KLK11: variants seen among roughly 807,000 people sequenced by gnomAD.
KLK11 encodes the protein kallikrein related peptidase 11, also known as kallikrein-11.
In KLK11, 10 loss-of-function variants were observed where a neutral mutation model predicts 23.4. The observed-to-expected ratio is 0.43, with a 90% CI of 0.26 to 0.73. The LOEUF is 0.73. Ranked by LOEUF, KLK11 falls within the 30% of genes least tolerant of loss-of-function variation. KLK11 has a pLI of 0.22. For synonymous variants in KLK11, 131 were observed against 131.7 expected, an observed-to-expected ratio of 0.99 and a Z score of 0.03; for missense variants, 285 against 327.8, an observed-to-expected ratio of 0.87 and a Z score of 1.01.
chr19:51,023,229 C>T lies in KLK11; in HGVS notation c.464-1G>A. The T allele has an allele frequency of 6.2e-7, 1 of 1,612,166 alleles. No individual in the cohort carries two copies. Among genetic ancestry groups the T allele is most frequent in the Non-Finnish European group, 8.5e-7 (1 of 1,179,546 alleles). On this transcript the variant is annotated splice_acceptor_variant, in intron 4 of 5. Coordinates refer to ENST00000453757, the MANE Select transcript of KLK11 (RefSeq NM_001136032.3). LOFTEE classifies it high-confidence loss of function. ...CATCGCAAGGTGTGAGGCAGGCGTA[C>T]TGTGGAAACAGCGTGAGGGGCTGTG...
chr19:51,027,225 AG>A (rs560695655), upstream of KLK11: 26 of 530,920 alleles, frequency 4.9e-5, no homozygotes, highest in Admixed American at 1.0e-4. Context: ...TTGCAAGGAG[AG>A]GGGGGGTGTG....
upstream of KLK11, chr19:51,027,527 C>A: frequency 6.2e-7 from 1 of 1,613,998 alleles, no homozygotes; most frequent in Non-Finnish European, 8.5e-7. Context: ...TCTGCGGAAC[C>A]CGAGCGCAGA....
chr19:51,024,469 C>G lies in KLK11; in HGVS notation c.198-159G>C. On this transcript the variant is annotated intron_variant, in intron 3 of 5. Coordinates refer to ENST00000453757, the MANE Select transcript of KLK11 (RefSeq NM_001136032.3). This position sits in a 1 kb window ranked among gnomAD's most constrained non-coding sequence, Gnocchi z 6.2. ...CTTCCCAGCCATAGCCCCATCCCAA[C>G]CCCATTCATCCCCCCACCTTCAATA... 1 of 1,285,058 alleles carries G rather than the reference C, an allele frequency of 7.8e-7. No homozygotes were observed. The highest frequency in any genetic ancestry group is 1.5e-5 in the South Asian group (1 of 67,124). 79.6% of individuals were successfully genotyped at this position (1,285,058 alleles called of 1,614,324 possible).
In KLK11 at chr19:51,025,708, G is replaced by A. The variant is rs767027210; in HGVS notation, c.-35-42C>T. 10 of 844,636 alleles carry A rather than the reference G, an allele frequency of 1.2e-5. No homozygotes were observed. Among genetic ancestry groups the A allele is most frequent in the Non-Finnish European group, 1.7e-5 (9 of 543,506 alleles). 52.3% of individuals were successfully genotyped at this position (844,636 alleles called of 1,614,324 possible). On this transcript the variant is annotated intron_variant, in intron 1 of 5. Coordinates refer to ENST00000453757, the MANE Select transcript of KLK11 (RefSeq NM_001136032.3). This position sits in a 1 kb window ranked among gnomAD's most constrained non-coding sequence, Gnocchi z 6.2. Reference sequence around the variant, plus strand: ...ACATGGGGCCGCATCACTTTACGGGGAAATCGGGAGGGGGGGGCTGGCTCA... The same window carrying A: ...ACATGGGGCCGCATCACTTTACGGGAAAATCGGGAGGGGGGGGCTGGCTCA...
chr19:51,022,489 G>C lies in KLK11; in HGVS notation c.*56C>G. On this transcript the variant is annotated 3_prime_UTR_variant, in exon 6 of 6. Transcript: ENST00000453757. ...GGGTTTCTTATTAACAGAGTGAACA[G>C]GAACCAAACACCAAGTGGAAATGGA... is the stretch of plus-strand genomic sequence containing the variant. The C allele has an allele frequency of 6.2e-7, 1 of 1,607,532 alleles. No individual in the cohort carries two copies. The highest frequency in any genetic ancestry group is 8.5e-7 in the Non-Finnish European group (1 of 1,174,170).
In KLK11 at chr19:51,023,938, T is replaced by C. The variant is rs981529016; in HGVS notation, c.463+107A>G. 4.0e-6 allele frequency: 4 copies of C among 998,404 alleles called. No homozygotes were observed. The African/African-American group carries it at 6.5e-5, about 16-fold the overall frequency. 61.8% of individuals were successfully genotyped at this position (998,404 alleles called of 1,614,324 possible). A position where few individuals can be genotyped will look rare whatever the true frequency, so the allele number is the denominator to read the frequency against. ...GTTTTCCACACATCCTCTCAACTTATCCCACATCGTCACTGTGAACCGCAT... is the reference window on the plus strand; with the variant it reads ...GTTTTCCACACATCCTCTCAACTTACCCCACATCGTCACTGTGAACCGCAT... On this transcript the variant is annotated intron_variant, in intron 4 of 5. Coordinates refer to ENST00000453757, the MANE Select transcript of KLK11 (RefSeq NM_001136032.3).
At position 51,025,719 on chromosome 19, in the gene KLK11, G is replaced by A. The variant is rs145926421; in HGVS notation, c.-35-53C>T. ...CATCACTTTACGGGGAAATCGGGAG[G>A]GGGGGGCTGGCTCATGCCCTCTCCT... On this transcript the variant is annotated intron_variant, in intron 1 of 5. Coordinates refer to ENST00000453757, the MANE Select transcript of KLK11 (RefSeq NM_001136032.3). This position sits in a 1 kb window ranked among gnomAD's most constrained non-coding sequence, Gnocchi z 6.2. 700 of 716,400 alleles carry A rather than the reference G, an allele frequency of 9.8e-4. 3 individuals carry two copies. The African/African-American group carries it at 0.011, about 11-fold the overall frequency. The allele number at this position is 716,400 out of a possible 1,614,324, so 44.4% of individuals were successfully genotyped here.
rs542840587 is a variant in KLK11, at chr19:51,025,387, C to T, written c.40+205G>A. Among the ~76,000 whole-genome samples the T allele has an allele frequency of 5.3e-5, 8 of 152,170 alleles. No individual in the cohort carries two copies. Among genetic ancestry groups the T allele is most frequent in the South Asian group, 4.1e-4 (2 of 4,826 alleles). On this transcript the variant is annotated intron_variant, in intron 2 of 5. Coordinates refer to ENST00000453757, the MANE Select transcript of KLK11 (RefSeq NM_001136032.3). This position sits in a 1 kb window ranked among gnomAD's most constrained non-coding sequence, Gnocchi z 6.2. The stretch of plus-strand genomic sequence containing the variant: ...CTCAGCCCCTCCACGGGACCCTTTA[C>T]GACCCCCTTGACCTCTCCTCCTTTG...
intron 4 of KLK11, 144 bp downstream of exon 4, chr19:51,023,901 C>G (rs937460771): frequency 2.7e-6 from 2 of 729,104 alleles, no homozygotes; most frequent in South Asian, 2.9e-5. Context: ...GTCCCCACCC[C>G]CCTATCCTGA....
upstream of KLK11, chr19:51,027,324 GTCCA>G: frequency 1.1e-6 from 1 of 919,878 alleles, no homozygotes; most frequent in Non-Finnish European, 1.7e-6. Flanking sequence ...TGGAAGCCGA[GTCCA>G]GGAAAGGGAA....
At position 51,025,879 on chromosome 19, in the gene KLK11, T is replaced by C. The variant is rs1188532705; in HGVS notation, c.-35-213A>G. 1 of 416,980 alleles carries C rather than the reference T, an allele frequency of 2.4e-6. No individual in the cohort carries two copies. Among genetic ancestry groups the C allele is most frequent in the African/African-American group, 2.1e-5 (1 of 48,482 alleles). 25.8% of individuals were successfully genotyped at this position (416,980 alleles called of 1,614,324 possible). A position where few individuals can be genotyped will look rare whatever the true frequency, so the allele number is the denominator to read the frequency against. ...TAGGGTGGCCTTGGAGAGGGCCTGG[T>C]CACAGCTAGAAGCTTCCGAGATACC... On this transcript the variant is annotated intron_variant, in intron 1 of 5. Transcript: ENST00000453757. The surrounding 1 kb of genome is among the most constrained non-coding windows in gnomAD (Gnocchi z 6.2).
At chr19:51,026,078 C>T (rs2091482292) in intron 1 of KLK11, among the ~76,000 whole-genome samples, 1 of 152,162 alleles carries the variant, frequency 6.6e-6, no homozygotes, top group Admixed American at 6.5e-5. Context: ...GAACCAGACA[C>T]CGTTCCGTAG....
upstream of KLK11, chr19:51,027,664 G>T: frequency 1.2e-6 from 1 of 826,978 alleles, no homozygotes; most frequent in Non-Finnish European, 1.9e-6. Context: ...GCCAGCCCTG[G>T]CCTCAAACCT....
chr19:51,022,727 G>T lies in KLK11; in HGVS notation c.601-30C>A, dbSNP rs753885336. The T allele has an allele frequency of 1.9e-6, 3 of 1,612,144 alleles. No individual in the cohort carries two copies. The South Asian group carries it at 3.3e-5, about 18-fold the overall frequency. ...GCACGGGGAGAGAGAATGTCGGTCA[G>T]AGAAAGCGTTGAGCATGGTGTTAGC... is the stretch of plus-strand genomic sequence containing the variant. On this transcript the variant is annotated intron_variant, in intron 5 of 5. Transcript: ENST00000453757.
At position 51,022,335 on chromosome 19, in the gene KLK11, AG is replaced by A. The variant is rs565844162; in HGVS notation, c.*209del. The A allele has an allele frequency of 1.4e-4, 81 of 590,192 alleles. No individual in the cohort carries two copies. The East Asian group carries it at 1.9e-3, about 14-fold the overall frequency. The allele number at this position is 590,192 out of a possible 1,614,324, so 36.6% of individuals were successfully genotyped here. On this transcript the variant is annotated 3_prime_UTR_variant, in exon 6 of 6. Transcript: ENST00000453757. Reference sequence around the variant, plus strand: ...ACAAACCAGGTGTTGTCATTCCCAGAGTCACAATATTTCAAGGCAGAATTTG... The same window carrying A: ...ACAAACCAGGTGTTGTCATTCCCAGATCACAATATTTCAAGGCAGAATTTG...
upstream of KLK11, chr19:51,027,796 G>A (rs1033329786): frequency 1.2e-5 from 5 of 410,864 alleles, no homozygotes; most frequent in Non-Finnish European, 2.2e-5. Context: ...TGCAGGGGAG[G>A]TTGGGATCAG....
At position 51,025,272 on chromosome 19, in the gene KLK11, G is replaced by GAA. The variant is rs542303846; in HGVS notation, c.40+318_40+319dup. Among the ~76,000 whole-genome samples, 8 of 145,026 alleles carry GAA rather than the reference G, an allele frequency of 5.5e-5. No individual in the cohort carries two copies. The highest frequency in any genetic ancestry group is 1.4e-4 in the Admixed American group (2 of 14,536). ...CAATAGAGCAAGACTTTGTCTCTGG[G>GAA]AAAAAAAAAAAAGGAAATACTTCCA... On this transcript the variant is annotated intron_variant, in intron 2 of 5. Transcript: ENST00000453757. This position sits in a 1 kb window ranked among gnomAD's most constrained non-coding sequence, Gnocchi z 6.2.
chr19:51,023,653 G>A (rs1380034934), intron 4 of KLK11: 1 of 216,710 alleles, frequency 4.6e-6, no homozygotes, highest in African/African-American at 2.3e-5. Context: ...CCAAAGTGCT[G>A]GGATTACAGG....
Position 51,024,480 on chromosome 19 carries a change from C to T in KLK11, c.197+158G>A, listed in dbSNP as rs1429307631. ...TAGCCCCATCCCAACCCCATTCATC[C>T]CCCCACCTTCAATACCAACTCGAGC... On this transcript the variant is annotated intron_variant, in intron 3 of 5. Coordinates refer to ENST00000453757, the MANE Select transcript of KLK11 (RefSeq NM_001136032.3). This position sits in a 1 kb window ranked among gnomAD's most constrained non-coding sequence, Gnocchi z 6.2. The T allele has an allele frequency of 1.6e-6, 2 of 1,264,980 alleles. No individual in the cohort carries two copies. The highest frequency in any genetic ancestry group is 1.1e-6 in the Non-Finnish European group (1 of 934,668). 78.4% of individuals were successfully genotyped at this position (1,264,980 alleles called of 1,614,324 possible).
Sources: allele counts gnomAD v4.1 joint callset (sites outside exome capture counted in the v4.1 genomes callset), GRCh38; gene constraint gnomAD v4.1.1; non-coding constraint Gnocchi (gnomAD v3.1); transcripts MANE v1.5; gene names NCBI Gene and HGNC (gene_info 2026-07-23, HGNC 2026-07-21).